SLC12A2: variants seen among roughly 807,000 people sequenced by gnomAD.
The protein encoded by SLC12A2 is Na-K-2Cl cotransporter 1.
Under a neutral mutation model 136.3 loss-of-function variants are expected in SLC12A2, and 67 were observed. That is an observed-to-expected ratio of 0.49 (90% CI 0.40 to 0.60). SLC12A2 has a LOEUF of 0.60. SLC12A2 is among the 20% of genes least tolerant of loss of function. The pLI is 0.00. For synonymous variants in SLC12A2, 619 were observed against 562.9 expected (o/e 1.10, Z -1.41); for missense variants, 1,322 against 1,534.7 (o/e 0.86, Z 2.32).
chr5:128,144,264 T>G (rs1398243250), intron 10 of SLC12A2, among the ~76,000 whole-genome samples: 1 of 152,218 alleles, frequency 6.6e-6, no homozygotes, highest in Non-Finnish European at 1.5e-5. Flanking sequence ...GCTGCTTTTC[T>G]TATTTAAAGG....
At chr5:128,131,034 A>T (rs199935124) in intron 4 of SLC12A2, 33 bp from the exon 5 acceptor site, 3 of 1,603,296 alleles carry the variant, frequency 1.9e-6, no homozygotes, top group African/African-American at 1.3e-5. Context: ...TAACTTTAGT[A>T]CCTGTTTTTT....
intron 22 of SLC12A2, among the ~76,000 whole-genome samples, chr5:128,180,350 G>A (rs1024754521): frequency 5.9e-5 from 9 of 152,130 alleles, no homozygotes; most frequent in South Asian, 2.1e-4. Flanking sequence ...TCACAGCCAC[G>A]AAAGTAACCC....
chr5:128,096,760 G>A (rs1318614448), intron 1 of SLC12A2, among the ~76,000 whole-genome samples: 1 of 152,004 alleles, frequency 6.6e-6, no homozygotes, highest in Non-Finnish European at 1.5e-5. Context: ...CAATTATCAG[G>A]CAGATTTGCT....
At chr5:128,106,242 A>G (rs998658435) in intron 1 of SLC12A2, among the ~76,000 whole-genome samples, 2 of 152,222 alleles carry the variant, frequency 1.3e-5, no homozygotes, top group African/African-American at 4.8e-5. Flanking sequence ...AGTAAAAACC[A>G]AAAATCTATC....
In SLC12A2 at chr5:128,186,478, T is replaced by C. The variant is rs1241890219; in HGVS notation, c.3504-18T>C. 6.4e-7 allele frequency: 1 copy of C among 1,573,360 alleles called. No individual in the cohort carries two copies. The highest frequency in any genetic ancestry group is 2.1e-5 in the Admixed American group (1 of 47,920). On this transcript the variant is annotated intron_variant, in intron 26 of 26. Transcript: ENST00000262461. ...TGCTCAGGGTTTTTTTTTTTTCTTT[T>C]TCTCTTTTTGATACCAGGAGTCTCC...
At chr5:128,184,577 TAGG>T in intron 25 of SLC12A2, 76 bp downstream of exon 25, 6 of 1,346,280 alleles carry the variant, frequency 4.5e-6, no homozygotes, top group Non-Finnish European at 5.0e-6. Context: ...TAATTTGATA[TAGG>T]AGGGTCAGTT....
chr5:128,109,668 C>T, intron 1 of SLC12A2: 2 of 930,400 alleles, frequency 2.1e-6, no homozygotes, highest in Admixed American at 3.4e-5. Context: ...AATAGCTTCA[C>T]ATCTTCTCCA....
chr5:128,181,118 A>C (rs1351495496), intron 23 of SLC12A2, 124 bp downstream of exon 23: 2 of 677,252 alleles, frequency 3.0e-6, no homozygotes, highest in East Asian at 2.7e-5. Context: ...TCTTTACTGA[A>C]GTTAAAAATT....
At chr5:128,099,623 A>T (rs1426745375) in intron 1 of SLC12A2, among the ~76,000 whole-genome samples, 2 of 152,194 alleles carry the variant, frequency 1.3e-5, no homozygotes. Context: ...GACATATTGT[A>T]CAAGTGTACA....
intron 4 of SLC12A2, among the ~76,000 whole-genome samples, chr5:128,126,972 T>TATATATATATATATATATAA (rs1761833098): frequency 2.0e-5 from 2 of 99,198 alleles, no homozygotes; most frequent in African/African-American, 1.2e-4. Context: ...ATATATTTTT[T>TATATATATATATATATATAA]TTTTTTTTTT....
In SLC12A2 at chr5:128,084,267, G is replaced by A; in HGVS notation, c.313G>A (p.Ala105Thr). 7.7e-7 allele frequency: 1 copy of A among 1,295,150 alleles called. No homozygotes were observed. Among genetic ancestry groups the A allele is most frequent in the Non-Finnish European group, 9.7e-7 (1 of 1,033,550 alleles). 80.2% of individuals were successfully genotyped at this position (1,295,150 alleles called of 1,614,324 possible). A position where few individuals can be genotyped will look rare whatever the true frequency, so the allele number is the denominator to read the frequency against. The change falls in exon 1 of 27, where the codon GCG (alanine) becomes ACG (threonine). Residue 105 changes from alanine (A) to threonine (T), a missense_variant. Ala to Thr is a moderately conservative substitution (Grantham distance 58). Coordinates refer to ENST00000262461, the MANE Select transcript of SLC12A2 (RefSeq NM_001046.3). The surrounding 1 kb of genome is among the most constrained non-coding windows in gnomAD (Gnocchi z 5.6). ...AAAAAAAAAAAAAGAGAGAKQ... is the reference protein window; with the variant it reads ...AAAAAAAAAATAAGAGAGAKQ... ...GGCGGCGGCGGCGGCGGCGGCAGCG[G>A]CGGCGGCTGGTGCTGGGGCGGGGGC...
intron 1 of SLC12A2, among the ~76,000 whole-genome samples, chr5:128,098,203 CCTT>C (rs1347088163): frequency 7.2e-5 from 11 of 152,060 alleles, no homozygotes; most frequent in African/African-American, 2.4e-4. Context: ...TTTCACTCTT[CCTT>C]CTTCTGCCAT....
rs1160744935 is a variant in SLC12A2 at position 128,151,606 on chromosome 5, A to AT, written c.2263+216dup. ...GTTTTAATAAAACAGTTACTTTGAGATTTTTTATTCTGGTTTCCATTCTCA... is the reference window on the plus strand; with the variant it reads ...GTTTTAATAAAACAGTTACTTTGAGATTTTTTTATTCTGGTTTCCATTCTCA... On this transcript the variant is annotated intron_variant, in intron 14 of 26. Transcript: ENST00000262461. Among the ~76,000 whole-genome samples the AT allele has an allele frequency of 4.6e-5, 7 of 150,570 alleles. No homozygotes were observed. The East Asian group carries it at 1.4e-3, about 29-fold the overall frequency.
At chr5:128,139,309 G>C (rs1307154074) in intron 9 of SLC12A2, among the ~76,000 whole-genome samples, 1 of 151,500 alleles carries the variant, frequency 6.6e-6, no homozygotes, top group East Asian at 1.9e-4. Flanking sequence ...TTCTTTCAAG[G>C]CTATTAAGCA....
rs570488193 is a variant in SLC12A2, at chr5:128,083,813, G to A, written c.-142G>A. ...GCCGGTGGCCTCTGTGGCCGTCCAG[G>A]CTAGCGGCGGCCCGCAGGCGGCGGG... On this transcript the variant is annotated 5_prime_UTR_variant, in exon 1 of 27. Coordinates refer to ENST00000262461, the MANE Select transcript of SLC12A2 (RefSeq NM_001046.3). The A allele has an allele frequency of 1.1e-5, 7 of 614,212 alleles. No individual in the cohort carries two copies. In the African/African-American group the frequency reaches 1.3e-4, roughly 12 times the overall value. 38.0% of individuals were successfully genotyped at this position (614,212 alleles called of 1,614,324 possible).
intron 15 of SLC12A2, among the ~76,000 whole-genome samples, chr5:128,155,427 A>G (rs1762845376): frequency 6.6e-6 from 1 of 152,102 alleles, no homozygotes; most frequent in African/African-American, 2.4e-5. Context: ...TATGATTTTG[A>G]TTAGATCATA....
chr5:128,166,328 G>A (rs1039235218), intron 17 of SLC12A2, among the ~76,000 whole-genome samples: 1 of 152,110 alleles, frequency 6.6e-6, no homozygotes, highest in Non-Finnish European at 1.5e-5. Flanking sequence ...GGATTTGTTA[G>A]TGGATTCTTA....
intron 15 of SLC12A2, among the ~76,000 whole-genome samples, chr5:128,156,243 T>G (rs146773658): frequency 6.6e-6 from 1 of 152,340 alleles, no homozygotes; most frequent in East Asian, 1.9e-4. Flanking sequence ...CTTCCTCATG[T>G]GCTTTCCAGA....
chr5:128,182,815 G>C (rs1351909239), intron 23 of SLC12A2, 40 bp from the exon 24 acceptor site: 3 of 1,419,404 alleles, frequency 2.1e-6, no homozygotes, highest in Non-Finnish European at 3.0e-6. Context: ...AATATAGAAT[G>C]AAAATACTTG....
Sources: allele counts gnomAD v4.1 joint callset (sites outside exome capture counted in the v4.1 genomes callset), GRCh38; gene constraint gnomAD v4.1.1; non-coding constraint Gnocchi (gnomAD v3.1); transcripts MANE v1.5; gene names NCBI Gene and HGNC (gene_info 2026-07-23, HGNC 2026-07-21).